NRXN1: variants seen among roughly 807,000 people sequenced by gnomAD.
NRXN1 encodes neurexin 1, also known as neurexin-1.
NRXN1 carries 39 observed loss-of-function variants against 150.9 expected under a neutral mutation model. That is an observed-to-expected ratio of 0.26 (90% CI 0.20 to 0.34). The LOEUF (loss-of-function observed/expected upper bound fraction) is 0.34, where lower values mean the gene tolerates loss of function less well. Ranked by LOEUF, NRXN1 falls within the 10% of genes least tolerant of loss-of-function variation. The pLI, the probability that NRXN1 is intolerant of heterozygous loss-of-function variation, is 1.00. For missense variants in NRXN1, 1,815 were observed against 1,949.9 expected (o/e 0.93, Z 1.30); for synonymous variants, 924 against 757.0 (o/e 1.22, Z -3.62).
chr2:50,550,245 G>A (rs1322223639), intron 9 of NRXN1, among the ~76,000 whole-genome samples: 2 of 151,770 alleles, frequency 1.3e-5, no homozygotes, highest in Non-Finnish European at 2.9e-5. Context: ...TTGTTGTTTT[G>A]AGACAAGGTC....
chr2:50,783,772 T>C (rs975117343), intron 5 of NRXN1, among the ~76,000 whole-genome samples: 2 of 152,122 alleles, frequency 1.3e-5, no homozygotes, highest in Non-Finnish European at 2.9e-5. Flanking sequence ...GAATAACTCA[T>C]TCTGAACCAC....
At chr2:50,157,849 G>T (rs756352609) in intron 18 of NRXN1, among the ~76,000 whole-genome samples, 4 of 152,016 alleles carry the variant, frequency 2.6e-5, no homozygotes, top group Non-Finnish European at 5.9e-5. Context: ...TGCTTGGTAG[G>T]ATGATCTTCT....
chr2:50,981,921 T>C (rs1696892990), intron 2 of NRXN1, among the ~76,000 whole-genome samples: 1 of 151,906 alleles, frequency 6.6e-6, no homozygotes, highest in African/African-American at 2.4e-5. Flanking sequence ...ATGGTATTAA[T>C]AGGAATAAAT....
intron 17 of NRXN1, among the ~76,000 whole-genome samples, chr2:50,273,565 A>G (rs1042494968): frequency 6.6e-6 from 1 of 152,120 alleles, no homozygotes; most frequent in African/African-American, 2.4e-5. Context: ...TATTAAATTT[A>G]AATTTGGTAT....
At chr2:50,025,128 G>C (rs1048607472) in intron 21 of NRXN1, among the ~76,000 whole-genome samples, 2 of 152,162 alleles carry the variant, frequency 1.3e-5, no homozygotes, top group African/African-American at 4.8e-5. Flanking sequence ...TGGCAAATTG[G>C]GGGTCGGCAG....
chr2:49,971,523 A>G (rs1386601832), intron 21 of NRXN1, among the ~76,000 whole-genome samples: 2 of 152,160 alleles, frequency 1.3e-5, no homozygotes, highest in African/African-American at 4.8e-5. Context: ...TGTGTCTCTT[A>G]GCCTACTGGG....
chr2:50,732,065 C>A (rs986991148), intron 5 of NRXN1, among the ~76,000 whole-genome samples: 1 of 151,952 alleles, frequency 6.6e-6, no homozygotes, highest in African/African-American at 2.4e-5. Flanking sequence ...TGTACGTGAC[C>A]AATGAACTTA....
intron 18 of NRXN1, among the ~76,000 whole-genome samples, chr2:50,135,421 G>A (rs759124819): frequency 2.6e-5 from 4 of 152,190 alleles, no homozygotes; most frequent in Non-Finnish European, 4.4e-5. Flanking sequence ...GCCCAATCGC[G>A]GTGGCTCACG....
intron 17 of NRXN1, among the ~76,000 whole-genome samples, chr2:50,433,823 G>A (rs750510617): frequency 2.6e-5 from 4 of 151,996 alleles, no homozygotes; most frequent in Non-Finnish European, 4.4e-5. Context: ...AGGTTGCAGA[G>A]GTCAGTAGCC....
chr2:49,987,330 T>C (rs1681098488), intron 21 of NRXN1, among the ~76,000 whole-genome samples: 1 of 152,184 alleles, frequency 6.6e-6, no homozygotes, highest in African/African-American at 2.4e-5. Flanking sequence ...ACAACACTCC[T>C]TTCCCCTGTC....
At chr2:50,362,759 GAATAAAAAAGT>G (rs2079312976) in intron 17 of NRXN1, among the ~76,000 whole-genome samples, 1 of 151,994 alleles carries the variant, frequency 6.6e-6, no homozygotes, top group Non-Finnish European at 1.5e-5. Context: ...ATTTCATATG[GAATAAAAAAGT>G]ACCCCGTACA....
chr2:50,854,978 T>C (rs1291158300), intron 5 of NRXN1, among the ~76,000 whole-genome samples: 1 of 151,930 alleles, frequency 6.6e-6, no homozygotes, highest in Non-Finnish European at 1.5e-5. Context: ...GATATTTGAA[T>C]TATGTGCAGG....
intron 2 of NRXN1, among the ~76,000 whole-genome samples, chr2:50,975,641 A>G (rs1695702561): frequency 6.6e-6 from 1 of 152,104 alleles, no homozygotes; most frequent in Admixed American, 6.6e-5. Flanking sequence ...CATAAGTCCT[A>G]TCTAACTATG....
chr2:50,165,538 G>A (rs548135306), intron 18 of NRXN1, among the ~76,000 whole-genome samples: 75 of 152,082 alleles, frequency 4.9e-4, no homozygotes, highest in African/African-American at 1.7e-3. Flanking sequence ...TAGTAGAAAC[G>A]AGGTTTCAGC....
chr2:50,381,344 A>G (rs2080944754), intron 17 of NRXN1, among the ~76,000 whole-genome samples: 1 of 151,984 alleles, frequency 6.6e-6, no homozygotes, highest in South Asian at 2.1e-4. Context: ...TGAACAAAGG[A>G]ATGGGTGGCA....
At chr2:50,029,630 C>A (rs1415460490) in intron 21 of NRXN1, among the ~76,000 whole-genome samples, 3 of 152,088 alleles carry the variant, frequency 2.0e-5, no homozygotes, top group African/African-American at 7.2e-5. Context: ...AAAGAGGTCT[C>A]GAAATGAAAC....
chr2:50,562,531 T>G (rs959014811), intron 8 of NRXN1, among the ~76,000 whole-genome samples: 1 of 152,122 alleles, frequency 6.6e-6, no homozygotes, highest in African/African-American at 2.4e-5. Flanking sequence ...AACCAAACAA[T>G]TTCATGTAAA....
At chr2:50,764,015 T>C (rs895894080) in intron 5 of NRXN1, among the ~76,000 whole-genome samples, 2 of 148,354 alleles carry the variant, frequency 1.3e-5, no homozygotes, top group African/African-American at 5.0e-5. Context: ...GACACATCCG[T>C]TGGCCCTTTT....
At chr2:50,967,313 T>C (rs1242329987) in intron 2 of NRXN1, among the ~76,000 whole-genome samples, 2 of 151,980 alleles carry the variant, frequency 1.3e-5, no homozygotes, top group Non-Finnish European at 2.9e-5. Context: ...CTAAGACTCA[T>C]TTAAAGTGAT....
Sources: allele counts gnomAD v4.1 joint callset (sites outside exome capture counted in the v4.1 genomes callset), GRCh38; gene constraint gnomAD v4.1.1; transcripts MANE v1.5; gene names NCBI Gene and HGNC (gene_info 2026-07-23, HGNC 2026-07-21).